Variants in KALRN observed in about 807,000 individuals in gnomAD.
KALRN encodes the protein kalirin RhoGEF kinase, also known as kalirin.
KALRN carries 70 observed loss-of-function variants against 353.7 expected under a neutral mutation model. The observed-to-expected ratio is 0.20, with a 90% CI of 0.16 to 0.24. The LOEUF (loss-of-function observed/expected upper bound fraction) is 0.24. Ranked by LOEUF, KALRN falls within the 10% of genes least tolerant of loss-of-function variation. The pLI is 1.00. For synonymous variants in KALRN, 1,391 were observed against 1,434.8 expected (o/e 0.97, Z 0.69); for missense variants, 2,791 against 3,756.7 (o/e 0.74, Z 6.72).
At chr3:124,056,610 A>G (rs1189537785) in intron 1 of KALRN, among the ~76,000 whole-genome samples, 2 of 152,172 alleles carry the variant, frequency 1.3e-5, no homozygotes, top group African/African-American at 2.4e-5. Flanking sequence ...CAACTCTGGG[A>G]AAATGCATGT....
intron 34 of KALRN, among the ~76,000 whole-genome samples, chr3:124,616,989 T>C (rs1441491587): frequency 6.7e-6 from 1 of 150,374 alleles, no homozygotes; most frequent in African/African-American, 2.4e-5. Context: ...AAAAGTTATA[T>C]TGCTAAGTTT....
intron 6 of KALRN, among the ~76,000 whole-genome samples, chr3:124,322,748 T>A (rs1261271073): frequency 6.6e-6 from 1 of 152,222 alleles, no homozygotes; most frequent in Non-Finnish European, 1.5e-5. Flanking sequence ...CCTCATTCTT[T>A]CCTTTTAAGT....
chr3:124,510,768 A>G (rs1014208894), intron 33 of KALRN, among the ~76,000 whole-genome samples: 2 of 152,088 alleles, frequency 1.3e-5, no homozygotes, highest in East Asian at 3.9e-4. Flanking sequence ...TCATGCTCCC[A>G]ATGAGAACTG....
At position 124,266,039 on chromosome 3, in the gene KALRN, C is replaced by T. The variant is rs1221447838; in HGVS notation, c.456+1349C>T. On this transcript the variant is annotated intron_variant, in intron 4 of 59. Coordinates refer to ENST00000682506, the MANE Select transcript of KALRN (RefSeq NM_001388419.1). ...CTGAGGCAGGAGAATCACTTGAACC[C>T]GGGAGGCGGAGGTTGCAGTGAGCTG... 2.6e-5 allele frequency among the ~76,000 whole-genome samples: 4 copies of T among 152,088 alleles called. No individual in the cohort carries two copies. The East Asian group carries it at 7.7e-4, about 29-fold the overall frequency.
chr3:124,699,669 C>T (rs1409562576), intron 55 of KALRN, among the ~76,000 whole-genome samples, 200 bp from the exon 56 acceptor site: 1 of 152,184 alleles, frequency 6.6e-6, no homozygotes, highest in Non-Finnish European at 1.5e-5. Context: ...TCTTCCACGC[C>T]TCTCACCATT....
intron 34 of KALRN, among the ~76,000 whole-genome samples, chr3:124,576,022 T>A (rs2074055173): frequency 6.6e-6 from 1 of 151,916 alleles, no homozygotes; most frequent in Non-Finnish European, 1.5e-5. Context: ...AAGCCATGCA[T>A]ACGCTCACCT....
rs10673161 is a variant in KALRN, at chr3:124,646,391, C to CTTT, written c.5665-4402_5665-4400dup. ...GACTGCTAGAGGGATCTTTTGTTTA[C>CTTT]TTTTTTTTTTTTTTTTTGAGACAGA... On this transcript the variant is annotated intron_variant, in intron 37 of 59. Coordinates refer to ENST00000682506, the MANE Select transcript of KALRN (RefSeq NM_001388419.1). 8.1e-5 allele frequency among the ~76,000 whole-genome samples: 9 copies of CTTT among 110,490 alleles called. 1 individual carries two copies. In the South Asian group the frequency reaches 1.2e-3, roughly 15 times the overall value. The allele number at this position is 110,490 out of a possible 152,430, so 72.5% of individuals were successfully genotyped here.
At chr3:124,080,935 G>A (rs1577867050) in intron 1 of KALRN, among the ~76,000 whole-genome samples, 1 of 152,258 alleles carries the variant, frequency 6.6e-6, no homozygotes, top group African/African-American at 2.4e-5. Context: ...ACAATTAAGG[G>A]AGGAGCTCTG....
chr3:124,421,691 A>C (rs2092789612), intron 14 of KALRN, among the ~76,000 whole-genome samples: 1 of 152,166 alleles, frequency 6.6e-6, no homozygotes, highest in Admixed American at 6.5e-5. Flanking sequence ...AGTGGAGAGA[A>C]GGACTTTGGT....
intron 1 of KALRN, among the ~76,000 whole-genome samples, chr3:124,049,427 A>G (rs2040826892): frequency 6.6e-6 from 1 of 152,204 alleles, no homozygotes; most frequent in Non-Finnish European, 1.5e-5. Flanking sequence ...GAAAGAGGTA[A>G]ACATACTTGC....
chr3:124,102,376 A>G lies in KALRN; in HGVS notation c.73+68563A>G, dbSNP rs572279809. 2.6e-5 allele frequency among the ~76,000 whole-genome samples: 4 copies of G among 152,206 alleles called. No homozygotes were observed. The South Asian group carries it at 8.3e-4, about 32-fold the overall frequency. On this transcript the variant is annotated intron_variant, in intron 1 of 59. Transcript: ENST00000682506. ...AATGCCCCAAACCTCCTCTTCTTAT[A>G]GTTAATCCACATTCTTTTCCCTCCC...
At position 124,532,051 on chromosome 3, in the gene KALRN, G is replaced by A. The variant is rs545250747; in HGVS notation, c.4936-30792G>A. Among the ~76,000 whole-genome samples the A allele has an allele frequency of 2.3e-4, 35 of 152,288 alleles. No homozygotes were observed. In the South Asian group the frequency reaches 5.6e-3, roughly 24 times the overall value. Reference sequence around the variant, plus strand: ...GGACATGAGCCTTCTGTATCTTAGAGCTTAATTTATTATATTATTCATATG... The same window carrying A: ...GGACATGAGCCTTCTGTATCTTAGAACTTAATTTATTATATTATTCATATG... On this transcript the variant is annotated intron_variant, in intron 33 of 59. Transcript: ENST00000682506.
intron 56 of KALRN, among the ~76,000 whole-genome samples, chr3:124,701,689 C>T (rs1200012018): frequency 6.6e-6 from 1 of 152,050 alleles, no homozygotes; most frequent in East Asian, 1.9e-4. Flanking sequence ...CTCCTTACAC[C>T]CCTGATTTTC....
At chr3:124,555,109 G>A (rs1019477155) in intron 33 of KALRN, among the ~76,000 whole-genome samples, 16 of 152,080 alleles carry the variant, frequency 1.1e-4, no homozygotes, top group African/African-American at 2.9e-4. Flanking sequence ...CCTCAGTGCC[G>A]TCTGGTGCTT....
chr3:124,248,214 A>G (rs991114925), intron 3 of KALRN, among the ~76,000 whole-genome samples: 3 of 152,188 alleles, frequency 2.0e-5, no homozygotes, highest in African/African-American at 7.2e-5. Flanking sequence ...GCTGAATTCA[A>G]TTAGACTGGA....
chr3:124,494,797 G>A (rs2063531116), intron 32 of KALRN, among the ~76,000 whole-genome samples: 1 of 152,244 alleles, frequency 6.6e-6, no homozygotes, highest in Non-Finnish European at 1.5e-5. Context: ...CCTTTGAGGT[G>A]AATTCGTTAT....
chr3:124,157,455 A>G (rs2069172820), intron 1 of KALRN, among the ~76,000 whole-genome samples: 2 of 152,248 alleles, frequency 1.3e-5, no homozygotes, highest in Non-Finnish European at 2.9e-5. Context: ...GTAACATAGA[A>G]ATACCCGAAA....
intron 1 of KALRN, among the ~76,000 whole-genome samples, chr3:124,129,969 G>T (rs1457669713): frequency 2.0e-5 from 3 of 152,160 alleles, no homozygotes; most frequent in Non-Finnish European, 2.9e-5. Context: ...CAGAATATGT[G>T]CTTTATAAAT....
intron 1 of KALRN, among the ~76,000 whole-genome samples, chr3:124,196,042 T>C (rs939266507): frequency 9.2e-5 from 14 of 152,096 alleles, no homozygotes; most frequent in Admixed American, 9.2e-4. Context: ...GGGAAAGGAT[T>C]AGGGTGTTTT....
Sources: gnomAD v4.1 joint callset for allele counts (sites outside exome capture counted in the v4.1 genomes callset) on GRCh38, gnomAD v4.1.1 for gene constraint, MANE v1.5 for transcripts, NCBI Gene and HGNC (gene_info 2026-07-23, HGNC 2026-07-21) for gene names.